TIAM1: variants seen among roughly 807,000 people sequenced by gnomAD.
TIAM1 encodes the protein rho guanine nucleotide exchange factor TIAM1.
A neutral mutation model predicts 163.5 loss-of-function variants in TIAM1; 65 were observed. The observed-to-expected ratio is 0.40, with a 90% CI of 0.33 to 0.49. The LOEUF (loss-of-function observed/expected upper bound fraction) is 0.49, where lower values mean the gene tolerates loss of function less well. TIAM1 is among the 20% of genes least tolerant of loss of function. The pLI, the probability that TIAM1 is intolerant of heterozygous loss-of-function variation, is 0.77. For synonymous variants in TIAM1, 833 were observed against 810.1 expected (o/e 1.03, Z -0.48); for missense variants, 1,789 against 2,044.7 (o/e 0.87, Z 2.41).
At chr21:31,446,748 C>CGGG (rs2044639523) in intron 2 of TIAM1, among the ~76,000 whole-genome samples, 1 of 152,194 alleles carries the variant, frequency 6.6e-6, no homozygotes, top group Non-Finnish European at 1.5e-5. Flanking sequence ...CACGCTCAGC[C>CGGG]AACCCACCAG....
chr21:31,203,239 C>T (rs2086291065), intron 11 of TIAM1, among the ~76,000 whole-genome samples: 1 of 152,200 alleles, frequency 6.6e-6, no homozygotes, highest in South Asian at 2.1e-4. Flanking sequence ...TCTCCTGCCT[C>T]AGCTTCCTGA....
At chr21:31,166,282 A>G (rs2146369315) in intron 15 of TIAM1, among the ~76,000 whole-genome samples, 1 of 152,354 alleles carries the variant, frequency 6.6e-6, no homozygotes, top group South Asian at 2.1e-4. Flanking sequence ...GCACTGGATC[A>G]CGGACTAGAG....
chr21:31,541,497 GA>G (rs951008615), intron 1 of TIAM1, among the ~76,000 whole-genome samples: 5 of 151,998 alleles, frequency 3.3e-5, no homozygotes, highest in African/African-American at 1.2e-4. Flanking sequence ...GGTCAAAAAA[GA>G]TTATTAAAAT....
At chr21:31,289,718 G>C (rs1317774000) in intron 2 of TIAM1, among the ~76,000 whole-genome samples, 1 of 152,120 alleles carries the variant, frequency 6.6e-6, no homozygotes. Context: ...AATCATAAGA[G>C]GATAATCAGC....
chr21:31,379,481 A>C (rs901927845), intron 2 of TIAM1, among the ~76,000 whole-genome samples: 15 of 152,130 alleles, frequency 9.9e-5, no homozygotes, highest in Non-Finnish European at 1.9e-4. Context: ...GCAAGTTATA[A>C]GTAACTCTAG....
intron 2 of TIAM1, among the ~76,000 whole-genome samples, chr21:31,406,904 T>C (rs986503246): frequency 1.7e-4 from 26 of 152,202 alleles, no homozygotes; most frequent in African/African-American, 6.3e-4. Context: ...GATCACTCTA[T>C]TAAAACACCA....
At chr21:31,246,515 C>T (rs2146723382) in intron 5 of TIAM1, among the ~76,000 whole-genome samples, 1 of 152,296 alleles carries the variant, frequency 6.6e-6, no homozygotes, top group South Asian at 2.1e-4. Flanking sequence ...AACTTTATGA[C>T]TCTTCCTCAA....
At chr21:31,459,890 G>T (rs1156319245) in intron 2 of TIAM1, among the ~76,000 whole-genome samples, 1 of 152,198 alleles carries the variant, frequency 6.6e-6, no homozygotes, top group African/African-American at 2.4e-5. Context: ...GCCGGATGGT[G>T]CATGGGAAAA....
intron 3 of TIAM1, among the ~76,000 whole-genome samples, chr21:31,275,416 C>CA (rs2073254097): frequency 6.6e-6 from 1 of 152,062 alleles, no homozygotes; most frequent in South Asian, 2.1e-4. Context: ...ACAGCTACAA[C>CA]AAAACGGCAT....
At chr21:31,263,163 T>C (rs1454427388) in intron 4 of TIAM1, among the ~76,000 whole-genome samples, 1 of 151,892 alleles carries the variant, frequency 6.6e-6, no homozygotes, top group African/African-American at 2.4e-5. Flanking sequence ...ATAAAGTCAA[T>C]ACAAAAATAA....
intron 1 of TIAM1, among the ~76,000 whole-genome samples, chr21:31,340,631 C>G (rs2075985004): frequency 6.6e-6 from 1 of 152,110 alleles, no homozygotes; most frequent in Non-Finnish European, 1.5e-5. Flanking sequence ...TCCTGAGTAG[C>G]CGGGACTACA....
intron 2 of TIAM1, among the ~76,000 whole-genome samples, chr21:31,290,074 G>GTA (rs2073961809): frequency 6.6e-6 from 1 of 152,128 alleles, no homozygotes; most frequent in Non-Finnish European, 1.5e-5. Context: ...TTTATTTAAT[G>GTA]TATATATACT....
chr21:31,501,749 T>C (rs2046858280), intron 1 of TIAM1, among the ~76,000 whole-genome samples: 1 of 152,264 alleles, frequency 6.6e-6, no homozygotes, highest in East Asian at 1.9e-4. Flanking sequence ...ATTACAGGCA[T>C]CTACCACCAC....
intron 2 of TIAM1, among the ~76,000 whole-genome samples, chr21:31,366,833 G>A (rs1196637078): frequency 2.0e-5 from 3 of 152,192 alleles, no homozygotes; most frequent in Non-Finnish European, 4.4e-5. Flanking sequence ...GGCCAGGCTG[G>A]TCTTGAACTC....
At chr21:31,361,849 A>ATAGATAGT (rs2076411811) in intron 2 of TIAM1, among the ~76,000 whole-genome samples, 1 of 149,174 alleles carries the variant, frequency 6.7e-6, no homozygotes, top group Non-Finnish European at 1.5e-5. Flanking sequence ...AGATAGATAG[A>ATAGATAGT]TAGATAGATA....
chr21:31,361,955 CAT>C (rs1008116499), intron 2 of TIAM1, among the ~76,000 whole-genome samples: 1 of 152,040 alleles, frequency 6.6e-6, no homozygotes, highest in Non-Finnish European at 1.5e-5. Context: ...TGTATATACA[CAT>C]ACACATATAT....
intron 12 of TIAM1, among the ~76,000 whole-genome samples, chr21:31,202,172 T>G (rs1242586980): frequency 6.6e-6 from 1 of 152,076 alleles, no homozygotes; most frequent in Non-Finnish European, 1.5e-5. Context: ...ATCCAGCAGT[T>G]TCAACATGGC....
chr21:31,334,055 C>T (rs940544234), intron 2 of TIAM1, among the ~76,000 whole-genome samples: 1 of 152,204 alleles, frequency 6.6e-6, no homozygotes, highest in Non-Finnish European at 1.5e-5. Context: ...AAATCGGAAA[C>T]GCTTCCAATC....
intron 10 of TIAM1, among the ~76,000 whole-genome samples, chr21:31,210,593 A>AGG (rs1491101798): frequency 1.2e-5 from 1 of 80,910 alleles, no homozygotes; most frequent in East Asian, 6.3e-4. Flanking sequence ...AAAGAAAGAA[A>AGG]GAGAGAAAGA....
Sources: gnomAD v4.1 joint callset for allele counts (sites outside exome capture counted in the v4.1 genomes callset) on GRCh38, gnomAD v4.1.1 for gene constraint, MANE v1.5 for transcripts, NCBI Gene and HGNC (gene_info 2026-07-23, HGNC 2026-07-21) for gene names.